The following KCNC2 variants were observed in gnomAD, a reference collection of about 807,000 sequenced individuals.
KCNC2 encodes the protein voltage-gated potassium channel KCNC2.
KCNC2 carries 21 observed loss-of-function variants against 44.5 expected under a neutral mutation model. The observed-to-expected ratio is 0.47, with a 90% CI of 0.33 to 0.68. KCNC2 has a LOEUF of 0.68. Ranked by LOEUF, KCNC2 falls within the 30% of genes least tolerant of loss-of-function variation. KCNC2 has a pLI of 0.01. For missense variants in KCNC2, 589 were observed against 826.2 expected, an observed-to-expected ratio of 0.71 and a Z score of 3.52; for synonymous variants, 391 against 339.1, an observed-to-expected ratio of 1.15 and a Z score of -1.68.
chr12:75,202,482 G>T (rs964501050), intron 2 of KCNC2, among the ~76,000 whole-genome samples: 2 of 151,714 alleles, frequency 1.3e-5, no homozygotes, highest in Non-Finnish European at 3.0e-5. Flanking sequence ...AAACACACTG[G>T]ACTATTATAG....
rs1217815068 is a variant in KCNC2, at chr12:75,123,619, G to A, written c.688-72302C>T. Among the ~76,000 whole-genome samples, 5 of 152,140 alleles carry A rather than the reference G, an allele frequency of 3.3e-5. No individual in the cohort carries two copies. In the South Asian group the frequency reaches 6.2e-4, roughly 19 times the overall value. ...AATGTGTCTGAGGACAAACTTTATC[G>A]TCCTGATTCTAAACCAATAGAGTAC... On this transcript the variant is annotated intron_variant, in intron 2 of 4. Transcript: ENST00000549446.
chr12:75,182,676 T>TA (rs1365200130), intron 2 of KCNC2, among the ~76,000 whole-genome samples: 3 of 152,030 alleles, frequency 2.0e-5, no homozygotes, highest in African/African-American at 4.8e-5. Flanking sequence ...AGAAAGGCAA[T>TA]ATGGCATCCT....
chr12:75,085,171 T>C (rs1363108722), intron 2 of KCNC2, among the ~76,000 whole-genome samples: 1 of 152,086 alleles, frequency 6.6e-6, no homozygotes, highest in Non-Finnish European at 1.5e-5. Context: ...CCAAGAGGTT[T>C]AGCTGTCAGA....
At chr12:75,077,108 T>G (rs957740697) in intron 2 of KCNC2, among the ~76,000 whole-genome samples, 2 of 152,164 alleles carry the variant, frequency 1.3e-5, no homozygotes, top group Non-Finnish European at 2.9e-5. Context: ...TAGTTGCTTT[T>G]TGAGGGAACA....
At chr12:75,049,620 T>C (rs1391450372) in intron 3 of KCNC2, among the ~76,000 whole-genome samples, 1 of 152,040 alleles carries the variant, frequency 6.6e-6, no homozygotes, top group Non-Finnish European at 1.5e-5. Flanking sequence ...TCATTCAAAA[T>C]TCAGTTCTGA....
chr12:75,084,230 TATAGATAG>T lies in KCNC2; in HGVS notation c.688-32921_688-32914del, dbSNP rs34214855. On this transcript the variant is annotated intron_variant, in intron 2 of 4. Coordinates refer to ENST00000549446, the MANE Select transcript of KCNC2 (RefSeq NM_139137.4). ...GGCTCATAATCTAGTTGATGATAGA[TATAGATAG>T]ATAGATAGATGATGATGATAGATAG... Among the ~76,000 whole-genome samples, 121 of 145,290 alleles carry T rather than the reference TATAGATAG, an allele frequency of 8.3e-4. 3 individuals are homozygous for T. Among genetic ancestry groups the T allele is most frequent in the Middle Eastern group, 3.4e-3 (1 of 294 alleles).
chr12:75,121,612 A>G (rs2137289299), intron 2 of KCNC2, among the ~76,000 whole-genome samples: 1 of 152,306 alleles, frequency 6.6e-6, no homozygotes, highest in African/African-American at 2.4e-5. Context: ...TGAAAGCAGA[A>G]TGTTGTATTA....
intron 2 of KCNC2, among the ~76,000 whole-genome samples, chr12:75,125,092 T>C (rs1407696180): frequency 6.6e-6 from 1 of 151,980 alleles, no homozygotes; most frequent in Non-Finnish European, 1.5e-5. Flanking sequence ...GGCTACACAC[T>C]GAGACTCCGT....
intron 2 of KCNC2, among the ~76,000 whole-genome samples, chr12:75,126,869 C>A (rs1424790655): frequency 6.6e-6 from 1 of 152,104 alleles, no homozygotes. Context: ...TCCTAGGGTT[C>A]TTAAATCACA....
At chr12:75,114,207 A>T (rs1592901104) in intron 2 of KCNC2, among the ~76,000 whole-genome samples, 1 of 152,240 alleles carries the variant, frequency 6.6e-6, no homozygotes, top group East Asian at 1.9e-4. Flanking sequence ...TTTGGCTTAC[A>T]GACCCAGAAA....
intron 2 of KCNC2, among the ~76,000 whole-genome samples, chr12:75,167,284 T>C (rs919304484): frequency 6.6e-6 from 1 of 151,504 alleles, no homozygotes; most frequent in African/African-American, 2.4e-5. Context: ...TCTTGGTTTC[T>C]ATCTAATGAC....
At chr12:75,121,765 C>A (rs555614350) in intron 2 of KCNC2, among the ~76,000 whole-genome samples, 1 of 152,210 alleles carries the variant, frequency 6.6e-6, no homozygotes, top group Non-Finnish European at 1.5e-5. Context: ...GTGTTATTCA[C>A]TTGTCAGCTC....
chr12:75,159,104 A>G (rs1276938714), intron 2 of KCNC2, among the ~76,000 whole-genome samples: 15 of 129,356 alleles, frequency 1.2e-4, no homozygotes, highest in Non-Finnish European at 2.1e-4. Context: ...AACATCACAC[A>G]CCAGGGCCTG....
At position 75,041,883 on chromosome 12, in the gene KCNC2, A is replaced by C; in HGVS notation, c.*1222T>G. The C allele has an allele frequency of 1.0e-6, 1 of 990,830 alleles. No individual in the cohort carries two copies. The highest frequency in any genetic ancestry group is 1.2e-6 in the Non-Finnish European group (1 of 833,712). The allele number at this position is 990,830 out of a possible 1,614,324, so 61.4% of individuals were successfully genotyped here. A position where few individuals can be genotyped will look rare whatever the true frequency, so the allele number is the denominator to read the frequency against. On this transcript the variant is annotated 3_prime_UTR_variant, in exon 5 of 5. Transcript: ENST00000549446. ...TATGGAGTCGGGTTTGGAGGGAGTAAATATTAAAATCATAAACATCTTACA... is the reference window on the plus strand; with the variant it reads ...TATGGAGTCGGGTTTGGAGGGAGTACATATTAAAATCATAAACATCTTACA...
At chr12:75,208,067 C>T in intron 1 of KCNC2, 65 bp from the exon 2 acceptor site, 1 of 1,576,938 alleles carries the variant, frequency 6.3e-7, no homozygotes, top group Non-Finnish European at 8.6e-7. Flanking sequence ...CCATGACCCC[C>T]ACCACCAACC....
At position 75,044,288 on chromosome 12, in the gene KCNC2, G is replaced by A. The variant is rs371273646; in HGVS notation, c.1781-1047C>T. Among the ~76,000 whole-genome samples the A allele has an allele frequency of 1.1e-4, 16 of 152,008 alleles. 1 individual carries two copies. Among genetic ancestry groups the A allele is most frequent in the Admixed American group, 5.3e-4 (8 of 15,236 alleles). ...TATTCTGACAGCTTCTTGAAAAATT[G>A]TTATAGAACAGGAAAATGAAATTCT... On this transcript the variant is annotated intron_variant, in intron 4 of 4. Coordinates refer to ENST00000549446, the MANE Select transcript of KCNC2 (RefSeq NM_139137.4).
At chr12:75,050,287 A>G in intron 3 of KCNC2, 103 bp downstream of exon 3, 1 of 879,276 alleles carries the variant, frequency 1.1e-6, no homozygotes, top group African/African-American at 1.7e-5. Context: ...TTAGGGCTGA[A>G]AACTCATGAA....
intron 2 of KCNC2, among the ~76,000 whole-genome samples, chr12:75,113,044 T>C (rs747061840): frequency 6.6e-6 from 1 of 152,144 alleles, no homozygotes; most frequent in Non-Finnish European, 1.5e-5. Flanking sequence ...TTGAATTTAA[T>C]TTACAATGTA....
chr12:75,091,109 A>G (rs1258388066), intron 2 of KCNC2, among the ~76,000 whole-genome samples: 1 of 151,644 alleles, frequency 6.6e-6, no homozygotes, highest in Non-Finnish European at 1.5e-5. Context: ...TCCTGATGCA[A>G]AGATCACATT....
Sources: gnomAD v4.1 joint callset for allele counts (sites outside exome capture counted in the v4.1 genomes callset) on GRCh38, gnomAD v4.1.1 for gene constraint, MANE v1.5 for transcripts, NCBI Gene and HGNC (gene_info 2026-07-23, HGNC 2026-07-21) for gene names.